Variants in TLR3 observed in about 807,000 individuals in gnomAD.
TLR3 encodes the protein toll-like receptor 3.
Under a neutral mutation model 66.4 loss-of-function variants are expected in TLR3, and 43 were observed. The observed-to-expected ratio is 0.65, with a 90% CI of 0.51 to 0.83. TLR3 has a LOEUF of 0.83. Among genes scored for constraint, TLR3 ranks in the 40% least tolerant of loss-of-function variants. The pLI, the probability that TLR3 is intolerant of heterozygous loss-of-function variation, is 0.00. For missense variants in TLR3, 982 were observed against 1,044.6 expected, an observed-to-expected ratio of 0.94 and a Z score of 0.83; for synonymous variants, 397 against 397.2, an observed-to-expected ratio of 1.00 and a Z score of 0.01.
At chr4:186,084,198 G>A (rs1286658767) in intron 4 of TLR3, 26 bp downstream of exon 4, 1 of 1,604,510 alleles carries the variant, frequency 6.2e-7, no homozygotes, top group African/African-American at 1.3e-5. Context: ...GAAATTTTAA[G>A]TGTGTACTTG....
intron 2 of TLR3, among the ~76,000 whole-genome samples, chr4:186,078,166 A>T (rs2099302766): frequency 6.6e-6 from 1 of 152,206 alleles, no homozygotes; most frequent in Non-Finnish European, 1.5e-5. Flanking sequence ...GCTTCTCGTT[A>T]ACAGCGATTA....
rs2099304590 is a variant in TLR3, at chr4:186,087,738, T to G, written c.*2865T>G. 6.6e-6 allele frequency: 1 copy of G among 152,144 alleles called. No individual in the cohort carries two copies. Among genetic ancestry groups the G allele is most frequent in the Non-Finnish European group, 1.5e-5 (1 of 68,030 alleles). The allele number at this position is 152,144 out of a possible 1,614,324, so 9.4% of individuals were successfully genotyped here. ...TAATTGTTCAAATATACATCTAGGT[T>G]GTAAAGGAGACTCAACGGTAAGTTA... On this transcript the variant is annotated 3_prime_UTR_variant, in exon 5 of 5. Transcript: ENST00000296795.
intron 3 of TLR3, among the ~76,000 whole-genome samples, chr4:186,081,280 A>G (rs2099303409): frequency 6.6e-6 from 1 of 151,702 alleles, no homozygotes; most frequent in Non-Finnish European, 1.5e-5. Flanking sequence ...AAAAAAAAAA[A>G]AAAGAAAAAG....
Position 186,076,986 on chromosome 4 carries a change from A to G in TLR3, c.367A>G (p.Thr123Ala), listed in dbSNP as rs1184832564. ...TTCTGATAAAACCTTTGCCTTCTGC[A>G]CGAATTTGACTGAACTCCATCTCAT... ...QLSDKTFAFC[T>A]NLTELHLMSN... Residue 123 changes from threonine to alanine, a missense_variant, in exon 2 of 5, where the codon ACG (threonine) becomes GCG (alanine). By Grantham distance (58) the Thr-to-Ala change is moderately conservative. Coordinates refer to ENST00000296795, the MANE Select transcript of TLR3 (RefSeq NM_003265.3). 1 of 1,614,152 alleles carries G rather than the reference A, an allele frequency of 6.2e-7. No homozygotes were observed. The highest frequency in any genetic ancestry group is 2.2e-5 in the East Asian group (1 of 44,876).
Position 186,084,178 on chromosome 4 carries a change from T to C in TLR3, c.2486+6T>C. 6.2e-7 allele frequency: 1 copy of C among 1,612,800 alleles called. No individual in the cohort carries two copies. Among genetic ancestry groups the C allele is most frequent in the Non-Finnish European group, 8.5e-7 (1 of 1,179,378 alleles). On this transcript the variant is annotated splice_donor_region_variant and intron_variant, in intron 4 of 4. Coordinates refer to ENST00000296795, the MANE Select transcript of TLR3 (RefSeq NM_003265.3). ...AAAGACCCATTATGCAAAAGGTAGG[T>C]AAACATTGTGAAATTTTAAGTGTGT... is the stretch of plus-strand genomic sequence containing the variant.
rs548804031 is a variant in TLR3 at position 186,084,071 on chromosome 4, G to A, written c.2385G>A (p.Ala795=). 67 of 1,614,106 alleles carry A rather than the reference G, an allele frequency of 4.2e-5. No individual in the cohort carries two copies. The East Asian group carries it at 6.9e-4, about 17-fold the overall frequency. The change falls in exon 4 of 5, where the codon GCG becomes GCA. Residue 795 remains alanine, a synonymous_variant. Transcript: ENST00000296795. ...GTCTGGAAGAAAGGGACTTTGAGGCGGGTGTTTTTGAACTAGAAGCAATTG... is the reference window on the plus strand; with the variant it reads ...GTCTGGAAGAAAGGGACTTTGAGGCAGGTGTTTTTGAACTAGAAGCAATTG... ...KFCLEERDFE[A]GVFELEAIVN... is the part of the protein sequence containing the mutation.
In TLR3 at chr4:186,082,224, CAAAAAAAAA is replaced by C. The variant is rs549369747; in HGVS notation, c.634-77_634-69del. The C allele has an allele frequency of 6.9e-3, 2,618 of 378,666 alleles. 4 individuals are homozygous for C. Among genetic ancestry groups the C allele is most frequent in the East Asian group, 0.013 (210 of 15,738 alleles). 23.5% of individuals were successfully genotyped at this position (378,666 alleles called of 1,614,324 possible). A position where few individuals can be genotyped will look rare whatever the true frequency, so the allele number is the denominator to read the frequency against. ...TGGGCGACAGAGCGAGACTCCGTCT[CAAAAAAAAA>C]AAAAAAAAAAAAAAAAAAGGCTTTC... On this transcript the variant is annotated intron_variant, in intron 3 of 4. Coordinates refer to ENST00000296795, the MANE Select transcript of TLR3 (RefSeq NM_003265.3).
rs1016892942 is a variant in TLR3, at chr4:186,082,249, A to C, written c.634-71A>C. On this transcript the variant is annotated intron_variant, in intron 3 of 4. Transcript: ENST00000296795. Reference sequence around the variant, plus strand: ...CAAAAAAAAAAAAAAAAAAAAAAAAAAAGGCTTTCAACAGCATTACAGAGT... The same window carrying C: ...CAAAAAAAAAAAAAAAAAAAAAAAACAAGGCTTTCAACAGCATTACAGAGT... The C allele has an allele frequency of 1.5e-4, 135 of 913,454 alleles. No individual in the cohort carries two copies. The African/African-American group carries it at 2.0e-3, about 13-fold the overall frequency. The allele number at this position is 913,454 out of a possible 1,614,324, so 56.6% of individuals were successfully genotyped here. A position where few individuals can be genotyped will look rare whatever the true frequency, so the allele number is the denominator to read the frequency against.
Position 186,084,745 on chromosome 4 carries a change from G to A in TLR3, c.2587G>A (p.Ala863Thr). ...GATTCCAGATTATAAACTGAACCAT[G>A]CACTCTGTTTGCGAAGAGGAATGTT... ...EEIPDYKLNH[A>T]LCLRRGMFKS... The change falls in exon 5 of 5, where the codon GCA (alanine) becomes ACA (threonine). Residue 863 changes from alanine (A) to threonine (T), a missense_variant. By Grantham distance (58) the Ala-to-Thr change is moderately conservative. Around this residue, in one of 3 missense-constraint regions of TLR3, gnomAD observed 666 missense variants for 709.0 expected, o/e 0.94. Transcript: ENST00000296795. 1 of 1,613,956 alleles carries A rather than the reference G, an allele frequency of 6.2e-7. No homozygotes were observed. Among genetic ancestry groups the A allele is most frequent in the African/African-American group, 1.3e-5 (1 of 75,020 alleles).
chr4:186,078,773 C>A, intron 2 of TLR3, 67 bp from the exon 3 acceptor site: 1 of 1,366,388 alleles, frequency 7.3e-7, no homozygotes, highest in Non-Finnish European at 1.0e-6. Flanking sequence ...TTCAGATGTA[C>A]TTACATTTAA....
Position 186,082,756 on chromosome 4 carries a change from T to A in TLR3, c.1070T>A (p.Leu357Ter). 1 of 1,614,102 alleles carries A rather than the reference T, an allele frequency of 6.2e-7. No individual in the cohort carries two copies. The highest frequency in any genetic ancestry group is 8.5e-7 in the Non-Finnish European group (1 of 1,179,952). The change falls in exon 4 of 5, where the codon TTG becomes TAG. Residue 357 changes from leucine to a stop codon, truncating the protein, a stop_gained. Coordinates refer to ENST00000296795, the MANE Select transcript of TLR3 (RefSeq NM_003265.3). LOFTEE classifies it high-confidence loss of function. Reference sequence around the variant, plus strand: ...TTTTCTTTTCAGTGGCTAAAATGTTTGGAGCACCTTAACATGGAAGATAAT... The same window carrying A: ...TTTTCTTTTCAGTGGCTAAAATGTTAGGAGCACCTTAACATGGAAGATAAT... ...DDFSFQWLKC[L>*]EHLNMEDNDI...
chr4:186,083,077 C>G lies in TLR3; in HGVS notation c.1391C>G (p.Ser464Cys). ...GLENIFEIYLSYNKYLQLTRN... is the reference protein window; with the variant it reads ...GLENIFEIYLCYNKYLQLTRN... ...GAAAATATTTTCGAAATCTATCTTTCCTACAACAAGTACCTGCAGCTGACT... is the reference window on the plus strand; with the variant it reads ...GAAAATATTTTCGAAATCTATCTTTGCTACAACAAGTACCTGCAGCTGACT... The change falls in exon 4 of 5, where the codon TCC (serine) becomes TGC (cysteine). Residue 464 changes from serine to cysteine, a missense_variant. This residue lies in a region of TLR3 where 666 missense variants were observed against 709.0 expected (regional missense o/e 0.94). Coordinates refer to ENST00000296795, the MANE Select transcript of TLR3 (RefSeq NM_003265.3). The surrounding 1 kb of genome is among the most constrained non-coding windows in gnomAD (Gnocchi z 4.0). 6.2e-7 allele frequency: 1 copy of G among 1,614,166 alleles called. No homozygotes were observed. Among genetic ancestry groups the G allele is most frequent in the Non-Finnish European group, 8.5e-7 (1 of 1,180,030 alleles).
In TLR3 at chr4:186,083,902, A is replaced by G. The variant is rs2099303945; in HGVS notation, c.2216A>G (p.His739Arg). 1.2e-6 allele frequency: 2 copies of G among 1,614,186 alleles called. No individual in the cohort carries two copies. The highest frequency in any genetic ancestry group is 1.7e-6 in the Non-Finnish European group (2 of 1,180,036). ...TCTTTTTATTGGAATGTTTCAGTAC[A>G]TCGAGTTCTTGGTTTCAAAGAAATA... ...RISFYWNVSV[H>R]RVLGFKEIDR... Residue 739 changes from histidine (H) to arginine (R), a missense_variant, in exon 4 of 5, where the codon CAT becomes CGT. Physicochemically the swap from His to Arg is conservative, Grantham distance 29. Transcript: ENST00000296795. This position sits in a 1 kb window ranked among gnomAD's most constrained non-coding sequence, Gnocchi z 4.0.
At position 186,085,264 on chromosome 4, in the gene TLR3, T is replaced by C. The variant is rs543342360; in HGVS notation, c.*391T>C. The C allele has an allele frequency of 1.4e-4, 27 of 192,376 alleles. No individual in the cohort carries two copies. Among genetic ancestry groups the C allele is most frequent in the African/African-American group, 6.4e-4 (27 of 42,332 alleles). The allele number at this position is 192,376 out of a possible 1,614,324, so 11.9% of individuals were successfully genotyped here. A position where few individuals can be genotyped will look rare whatever the true frequency, so the allele number is the denominator to read the frequency against. On this transcript the variant is annotated 3_prime_UTR_variant, in exon 5 of 5. Transcript: ENST00000296795. Reference sequence around the variant, plus strand: ...AATGAAAGATAATTGTTTCAATGGGTATAATGCTATTTCCTTTGTAAAAGA... The same window carrying C: ...AATGAAAGATAATTGTTTCAATGGGCATAATGCTATTTCCTTTGTAAAAGA...
chr4:186,076,665 C>T lies in TLR3; in HGVS notation c.46C>T (p.Pro16Ser). The change falls in exon 2 of 5, where the codon CCC becomes TCC. Residue 16 changes from proline (P) to serine (S), a missense_variant. Coordinates refer to ENST00000296795, the MANE Select transcript of TLR3 (RefSeq NM_003265.3). The stretch of plus-strand genomic sequence containing the variant: ...TATCTACTTTTGGGGGGGCCTTTTG[C>T]CCTTTGGGATGCTGTGTGCATCCTC... Reference protein sequence around the residue: ...PCIYFWGGLLPFGMLCASSTT... With the variant: ...PCIYFWGGLLSFGMLCASSTT... 1 of 1,614,150 alleles carries T rather than the reference C, an allele frequency of 6.2e-7. No individual in the cohort carries two copies. The highest frequency in any genetic ancestry group is 2.2e-5 in the East Asian group (1 of 44,866).
Position 186,086,769 on chromosome 4 carries a change from A to T in TLR3, c.*1896A>T, listed in dbSNP as rs1379856481. ...ATATATCAATGCTATTTAATATATA[A>T]TATCTATATTTAATATATTGATATG... On this transcript the variant is annotated 3_prime_UTR_variant, in exon 5 of 5. Coordinates refer to ENST00000296795, the MANE Select transcript of TLR3 (RefSeq NM_003265.3). The T allele has an allele frequency of 8.6e-5, 13 of 151,880 alleles. No homozygotes were observed. Among genetic ancestry groups the T allele is most frequent in the Admixed American group, 8.5e-4 (13 of 15,226 alleles). The allele number at this position is 151,880 out of a possible 1,614,324, so 9.4% of individuals were successfully genotyped here. A position where few individuals can be genotyped will look rare whatever the true frequency, so the allele number is the denominator to read the frequency against.
At chr4:186,080,440 C>A (rs141968262) in intron 3 of TLR3, among the ~76,000 whole-genome samples, 4 of 152,038 alleles carry the variant, frequency 2.6e-5, no homozygotes, top group South Asian at 2.1e-4. Flanking sequence ...TGGCTTTTCT[C>A]CAAATAATTA....
chr4:186,083,214 A>G lies in TLR3; in HGVS notation c.1528A>G (p.Ile510Val), dbSNP rs202066722. 5.0e-6 allele frequency: 8 copies of G among 1,614,198 alleles called. No homozygotes were observed. In the African/African-American group the frequency reaches 1.1e-4, roughly 22 times the overall value. The change falls in exon 4 of 5, where the codon ATT becomes GTT. Residue 510 changes from isoleucine (I) to valine (V), a missense_variant. Around this residue, in one of 3 missense-constraint regions of TLR3, gnomAD observed 666 missense variants for 709.0 expected, o/e 0.94. Coordinates refer to ENST00000296795, the MANE Select transcript of TLR3 (RefSeq NM_003265.3). The surrounding 1 kb of genome is among the most constrained non-coding windows in gnomAD (Gnocchi z 4.0). ...SPFQPLRNLT[I>V]LDLSNNNIAN... is the part of the protein sequence containing the mutation. Reference sequence around the variant, plus strand: ...ATTCCAGCCTCTTCGTAACTTGACCATTCTGGATCTAAGCAACAACAACAT... The same window carrying G: ...ATTCCAGCCTCTTCGTAACTTGACCGTTCTGGATCTAAGCAACAACAACAT...
rs2150068147 is a variant in TLR3 at position 186,083,873 on chromosome 4, G to T, written c.2187G>T (p.Arg729Ser). 1 of 1,614,174 alleles carries T rather than the reference G, an allele frequency of 6.2e-7. No homozygotes were observed. The highest frequency in any genetic ancestry group is 8.5e-7 in the Non-Finnish European group (1 of 1,180,036). The change falls in exon 4 of 5, where the codon AGG becomes AGT. Residue 729 changes from arginine (R) to serine (S), a missense_variant. Transcript: ENST00000296795. The surrounding 1 kb of genome is among the most constrained non-coding windows in gnomAD (Gnocchi z 4.0). ...TTCTCATCCACTTTGAGGGCTGGAG[G>T]ATATCTTTTTATTGGAATGTTTCAG... is the stretch of plus-strand genomic sequence containing the variant. Reference protein sequence around the residue: ...IVLLIHFEGWRISFYWNVSVH... With the variant: ...IVLLIHFEGWSISFYWNVSVH...
Sources: gnomAD v4.1 joint callset for allele counts (sites outside exome capture counted in the v4.1 genomes callset) on GRCh38, gnomAD v4.1.1 for gene constraint, gnomAD v4.1.1 regional missense constraint, Gnocchi (gnomAD v3.1) non-coding constraint, MANE v1.5 for transcripts, NCBI Gene and HGNC (gene_info 2026-07-23, HGNC 2026-07-21) for gene names.